DDX60L: variants seen among roughly 807,000 people sequenced by gnomAD.
DDX60L encodes the protein probable ATP-dependent RNA helicase DDX60-like.
A neutral mutation model predicts 211.6 loss-of-function variants in DDX60L; 191 were observed. The observed-to-expected ratio is 0.90, with a 90% CI of 0.80 to 1.02. DDX60L has a LOEUF of 1.02. DDX60L is among the 50% of genes least tolerant of loss of function. DDX60L has a pLI of 0.00. For missense variants in DDX60L, 2,007 were observed against 1,984.1 expected, an observed-to-expected ratio of 1.01 and a Z score of -0.22; for synonymous variants, 706 against 694.1, an observed-to-expected ratio of 1.02 and a Z score of -0.27.
chr4:168,449,612 T>C (rs1238889607), intron 8 of DDX60L, among the ~76,000 whole-genome samples: 1 of 5,628 alleles, frequency 1.8e-4, no homozygotes, highest in African/African-American at 7.8e-4. Context: ...ACTTAGAGTA[T>C]AATAAAAAAA....
Position 168,358,287 on chromosome 4 carries a change from GATA to G in DDX60L, c.4992-14_4992-12del, listed in dbSNP as rs745338983. 3.1e-5 allele frequency: 45 copies of G among 1,467,166 alleles called. No individual in the cohort carries two copies. The highest frequency in any genetic ancestry group is 3.3e-5 in the Non-Finnish European group (37 of 1,108,262). 90.9% of individuals were successfully genotyped at this position (1,467,166 alleles called of 1,614,324 possible). On this transcript the variant is annotated splice_polypyrimidine_tract_variant and intron_variant, in intron 37 of 37. Coordinates refer to ENST00000682922, the MANE Select transcript of DDX60L (RefSeq NM_001012967.3). Reference sequence around the variant, plus strand: ...TCACTCAAGGAGTCACTGTATAAATGATAATAATAATAAAAAAATAATGAGCCC... The same window carrying G: ...TCACTCAAGGAGTCACTGTATAAATGATAATAATAAAAAAATAATGAGCCC...
Position 168,462,014 on chromosome 4 carries a change from A to G in DDX60L, c.291T>C (p.Phe97=). The change falls in exon 5 of 38, where the codon TTT becomes TTC. Residue 97 remains phenylalanine, a synonymous_variant. Coordinates refer to ENST00000682922, the MANE Select transcript of DDX60L (RefSeq NM_001012967.3). ...CGGTCCTCAATGAAAGAAGTTCAGG[A>G]AAATCAAAATATGCATATTCAGCAT... is the stretch of plus-strand genomic sequence containing the variant. ...FKDAEYAYFD[F]PELLSLRTAL... The G allele has an allele frequency of 1.2e-6, 2 of 1,608,342 alleles. No individual in the cohort carries two copies. Among genetic ancestry groups the G allele is most frequent in the Non-Finnish European group, 1.7e-6 (2 of 1,176,312 alleles).
At chr4:168,470,349 A>G (rs557683790) in intron 4 of DDX60L, 4 of 152,374 alleles carry the variant, frequency 2.6e-5, no homozygotes, top group African/African-American at 9.6e-5. Context: ...GAATGCACAT[A>G]GTAGCTTTAT....
At chr4:168,446,039 G>T (rs1754735747) in intron 9 of DDX60L, among the ~76,000 whole-genome samples, 1 of 149,886 alleles carries the variant, frequency 6.7e-6, no homozygotes, top group Admixed American at 6.7e-5. Context: ...GGGCAATTAG[G>T]CAGGAGAAGG....
intron 29 of DDX60L, 75 bp from the exon 30 acceptor site, chr4:168,384,887 T>C (rs1579290628): frequency 2.2e-6 from 3 of 1,373,692 alleles, no homozygotes; most frequent in Non-Finnish European, 3.0e-6. Context: ...TTTATGACTT[T>C]ACACTTGTTA....
At chr4:168,399,134 C>T (rs544416492) in intron 26 of DDX60L, among the ~76,000 whole-genome samples, 21 of 152,300 alleles carry the variant, frequency 1.4e-4, no homozygotes, top group African/African-American at 4.6e-4. Context: ...TTCCTGGATA[C>T]GGGACAAGAA....
At chr4:168,413,062 G>A (rs1284954434) in intron 22 of DDX60L, among the ~76,000 whole-genome samples, 2 of 152,192 alleles carry the variant, frequency 1.3e-5, no homozygotes, top group Admixed American at 1.3e-4. Context: ...GCCTTCTCAA[G>A]GACAAGTACA....
chr4:168,358,532 T>C (rs1225606154), intron 37 of DDX60L, among the ~76,000 whole-genome samples: 1 of 143,270 alleles, frequency 7.0e-6, no homozygotes, highest in African/African-American at 2.5e-5. Flanking sequence ...TTCTTTTTTT[T>C]TTTTTTTTTT....
rs538379185 is a variant in DDX60L at position 168,371,953 on chromosome 4, G to A, written c.4777-190C>T. Among the ~76,000 whole-genome samples the A allele has an allele frequency of 4.3e-3, 648 of 152,260 alleles. 6 individuals are homozygous for A. Among genetic ancestry groups the A allele is most frequent in the Non-Finnish European group, 7.0e-3 (476 of 68,024 alleles). ...GGCCCATTACAGTGAGGGAAAGGGC[G>A]TGTTACAGACACTGGCCACTGTGAC... On this transcript the variant is annotated intron_variant, in intron 35 of 37. Coordinates refer to ENST00000682922, the MANE Select transcript of DDX60L (RefSeq NM_001012967.3).
chr4:168,428,278 T>C (rs1400958583), intron 13 of DDX60L, among the ~76,000 whole-genome samples: 3 of 152,064 alleles, frequency 2.0e-5, no homozygotes, highest in Admixed American at 6.6e-5. Flanking sequence ...GACCCTTAAA[T>C]AGCTCTAGGA....
At chr4:168,366,014 T>C (rs927111917) in intron 36 of DDX60L, among the ~76,000 whole-genome samples, 7 of 152,108 alleles carry the variant, frequency 4.6e-5, no homozygotes, top group African/African-American at 1.7e-4. Context: ...GTATAGAAGA[T>C]ATGTACGTCA....
chr4:168,419,227 C>A, intron 19 of DDX60L, 75 bp downstream of exon 19: 1 of 1,041,024 alleles, frequency 9.6e-7, no homozygotes, highest in South Asian at 2.0e-5. Context: ...TGAAAAAGCC[C>A]TATATTCTTT....
intron 9 of DDX60L, among the ~76,000 whole-genome samples, chr4:168,442,409 C>A (rs1295702011): frequency 6.6e-6 from 1 of 151,980 alleles, no homozygotes; most frequent in African/African-American, 2.4e-5. Flanking sequence ...AACTGCAAGG[C>A]GGCAGCGAGG....
At position 168,456,074 on chromosome 4, in the gene DDX60L, A is replaced by G; in HGVS notation, c.802T>C (p.Cys268Arg). ...TGGTACATTCTCAAGGATAGTGAAC[A>G]TGAAGTGACACAGAGAACACGCTGG... ...DIQRVLCVTS[C>R]SLSLRMYHRV... The change falls in exon 7 of 38, where the codon TGT (cysteine) becomes CGT (arginine). Residue 268 changes from cysteine to arginine, a missense_variant. Physicochemically the swap from Cys to Arg is radical, Grantham distance 180. Transcript: ENST00000682922. 1 of 1,598,432 alleles carries G rather than the reference A, an allele frequency of 6.3e-7. No individual in the cohort carries two copies. The highest frequency in any genetic ancestry group is 8.5e-7 in the Non-Finnish European group (1 of 1,174,158).
intron 27 of DDX60L, 85 bp downstream of exon 27, chr4:168,395,874 C>A: frequency 1.1e-6 from 1 of 928,680 alleles, no homozygotes; most frequent in South Asian, 1.5e-5. Context: ...TTACACAAGT[C>A]ATTTCAGTGT....
At chr4:168,435,167 C>T (rs1381439081) in intron 10 of DDX60L, among the ~76,000 whole-genome samples, 2 of 152,184 alleles carry the variant, frequency 1.3e-5, no homozygotes, top group Non-Finnish European at 2.9e-5. Context: ...AAGTTCATCT[C>T]ACAGTGGGTC....
intron 30 of DDX60L, 136 bp downstream of exon 30, chr4:168,384,476 G>T: frequency 1.8e-6 from 2 of 1,110,692 alleles, no homozygotes; most frequent in Non-Finnish European, 2.6e-6. Flanking sequence ...GACACAGCAA[G>T]ACCCTGTCTC....
rs1561062864 is a variant in DDX60L, at chr4:168,432,590, A to T, written c.1401-20T>A. ...TCATCACTGTAAAAATAAATACATA[A>T]TTTTTTTAAATTTTAAGCTTTTCAA... On this transcript the variant is annotated intron_variant, in intron 11 of 37. Transcript: ENST00000682922. 2.8e-6 allele frequency: 4 copies of T among 1,404,346 alleles called. No homozygotes were observed. The highest frequency in any genetic ancestry group is 1.5e-5 in the South Asian group (1 of 68,102). The allele number at this position is 1,404,346 out of a possible 1,614,324, so 87.0% of individuals were successfully genotyped here.
intron 12 of DDX60L, among the ~76,000 whole-genome samples, chr4:168,431,550 T>G (rs1244722805): frequency 4.5e-5 from 5 of 110,326 alleles, no homozygotes; most frequent in South Asian, 3.1e-4. Flanking sequence ...TGGGGACTGT[T>G]GTGCGGTGGG....
Sources: gnomAD v4.1 joint callset for allele counts (sites outside exome capture counted in the v4.1 genomes callset) on GRCh38, gnomAD v4.1.1 for gene constraint, MANE v1.5 for transcripts, NCBI Gene and HGNC (gene_info 2026-07-23, HGNC 2026-07-21) for gene names.